Variants in ITGA10 observed in about 807,000 individuals in gnomAD.
ITGA10 encodes integrin subunit alpha 10.
ITGA10 carries 105 observed loss-of-function variants against 145.2 expected under a neutral mutation model. That is an observed-to-expected ratio of 0.72 (90% CI 0.62 to 0.85). ITGA10 has a LOEUF of 0.85. Ranked by LOEUF, ITGA10 falls within the 40% of genes least tolerant of loss-of-function variation. The pLI, the probability that ITGA10 is intolerant of heterozygous loss-of-function variation, is 0.00. For missense variants in ITGA10, 1,317 were observed against 1,444.5 expected (o/e 0.91, Z 1.43); for synonymous variants, 506 against 557.8 (o/e 0.91, Z 1.31).
chr1:145,896,961 C>A, intron 22 of ITGA10, 50 bp downstream of exon 22: 1 of 1,566,068 alleles, frequency 6.4e-7, no homozygotes, highest in South Asian at 1.1e-5. Flanking sequence ...CCCCTCCAGT[C>A]AAGACTCAGT....
At position 145,901,394 on chromosome 1, in the gene ITGA10, C is replaced by T. The variant is rs1227999784; in HGVS notation, c.1444-116G>A. On this transcript the variant is annotated intron_variant, in intron 12 of 29. Transcript: ENST00000369304. The surrounding 1 kb of genome is among the most constrained non-coding windows in gnomAD (Gnocchi z 4.3). ...GTCTGCTCCTTACATCCCTGACAGA[C>T]TCTGCCAACCAGAATTCCGCACAGA... 6.7e-7 allele frequency: 1 copy of T among 1,491,956 alleles called. No homozygotes were observed. The highest frequency in any genetic ancestry group is 9.1e-7 in the Non-Finnish European group (1 of 1,104,196). 92.4% of individuals were successfully genotyped at this position (1,491,956 alleles called of 1,614,324 possible).
chr1:145,893,449 A>G, intron 28 of ITGA10, 91 bp downstream of exon 28: 2 of 1,039,040 alleles, frequency 1.9e-6, no homozygotes, highest in Non-Finnish European at 2.9e-6. Context: ...CCTGATGGAG[A>G]TGCCTTCGTT....
rs1654959066 is a variant in ITGA10, at chr1:145,893,427, A to G, written c.3324+113T>C. 4 of 959,624 alleles carry G rather than the reference A, an allele frequency of 4.2e-6. No homozygotes were observed. In the Middle Eastern group the frequency reaches 8.6e-4, roughly 207 times the overall value. 59.4% of individuals were successfully genotyped at this position (959,624 alleles called of 1,614,324 possible). A position where few individuals can be genotyped will look rare whatever the true frequency, so the allele number is the denominator to read the frequency against. On this transcript the variant is annotated intron_variant, in intron 28 of 29. Coordinates refer to ENST00000369304, the MANE Select transcript of ITGA10 (RefSeq NM_003637.5). ...GCAGGAATGGCGGCAGTGGAACACT[A>G]GGATCCTGCTGCCTGATGGAGATGC... is the stretch of plus-strand genomic sequence containing the variant.
intron 1 of ITGA10, among the ~76,000 whole-genome samples, chr1:145,908,163 A>G (rs1657414945): frequency 6.6e-6 from 1 of 151,920 alleles, no homozygotes; most frequent in South Asian, 2.1e-4. Context: ...CAGAACAACC[A>G]TTGCTTCCAA....
In ITGA10 at chr1:145,904,717, T is replaced by G; in HGVS notation, c.576A>C (p.Val192=). 2 of 1,613,978 alleles carry G rather than the reference T, an allele frequency of 1.2e-6. No individual in the cohort carries two copies. Among genetic ancestry groups the G allele is most frequent in the South Asian group, 2.2e-5 (2 of 91,080 alleles). Residue 192 remains valine (V), a synonymous_variant, in exon 6 of 30, where the codon GTA becomes GTC. Coordinates refer to ENST00000369304, the MANE Select transcript of ITGA10 (RefSeq NM_003637.5). ...GTTCTGGGTCAATAAACAGTTTCCC[T>G]ACCAGTCTTCGTAGGAAGGTCTGAA... ...SEVQTFLRRL[V]GKLFIDPEQI... is the part of the protein sequence containing the mutation.
chr1:145,893,476 G>A (rs968617645), intron 28 of ITGA10, 64 bp downstream of exon 28: 3 of 1,316,994 alleles, frequency 2.3e-6, no homozygotes, highest in Non-Finnish European at 3.2e-6. Context: ...AAGCCCACGG[G>A]TGGCCCTACC....
In ITGA10 at chr1:145,904,213, C is replaced by T. The variant is rs188008364; in HGVS notation, c.610-13G>A. ...GTACCAGTCCCACCTGGGAATAAAGCGCATTCAAATGAAATGTATGTATGT... is the reference window on the plus strand; with the variant it reads ...GTACCAGTCCCACCTGGGAATAAAGTGCATTCAAATGAAATGTATGTATGT... On this transcript the variant is annotated splice_polypyrimidine_tract_variant and intron_variant, in intron 6 of 29. Coordinates refer to ENST00000369304, the MANE Select transcript of ITGA10 (RefSeq NM_003637.5). The T allele has an allele frequency of 1.1e-4, 171 of 1,613,698 alleles. No homozygotes were observed. Among genetic ancestry groups the T allele is most frequent in the Admixed American group, 1.0e-3 (63 of 60,006 alleles).
intron 28 of ITGA10, 40 bp from the exon 29 acceptor site, chr1:145,893,314 A>T: frequency 1.4e-6 from 2 of 1,416,348 alleles, no homozygotes; most frequent in Non-Finnish European, 2.0e-6. Flanking sequence ...TGCATCCTAT[A>T]ACCCAGCTAG....
Position 145,900,870 on chromosome 1 carries a change from C to A in ITGA10, c.1711G>T (p.Ala571Ser), listed in dbSNP as rs781946890. 1 of 1,614,050 alleles carries A rather than the reference C, an allele frequency of 6.2e-7. No homozygotes were observed. Among genetic ancestry groups the A allele is most frequent in the South Asian group, 1.1e-5 (1 of 91,074 alleles). The change falls in exon 14 of 30, where the codon GCG (alanine) becomes TCG (serine). Residue 571 changes from alanine to serine, a missense_variant. Coordinates refer to ENST00000369304, the MANE Select transcript of ITGA10 (RefSeq NM_003637.5). ...QDGFADVAVG[A>S]PLEDGHQGAL... The stretch of plus-strand genomic sequence containing the variant: ...CCCTGGTGCCCATCTTCCAGAGGCG[C>A]CCCCACAGCCACATCAGCAAAACCA...
chr1:145,906,469 C>T lies in ITGA10; in HGVS notation c.406G>A (p.Val136Ile), dbSNP rs1657153586. 1.2e-6 allele frequency: 2 copies of T among 1,613,968 alleles called. No individual in the cohort carries two copies. Among genetic ancestry groups the T allele is most frequent in the South Asian group, 2.2e-5 (2 of 91,082 alleles). Residue 136 changes from valine (V) to isoleucine (I), a missense_variant, in exon 5 of 30, where the codon GTC (valine) becomes ATC (isoleucine). Transcript: ENST00000369304. ...PLWSRACGSSVFSSGICARVD... is the reference protein window; with the variant it reads ...PLWSRACGSSIFSSGICARVD... ...CGGGCACATATCCCAGAACTGAAGA[C>T]AGAGCTGCCACAAGCACGAGACCAG...
intron 5 of ITGA10, 112 bp downstream of exon 5, chr1:145,906,282 A>G: frequency 1.3e-6 from 1 of 751,664 alleles, no homozygotes; most frequent in Non-Finnish European, 2.3e-6. Context: ...ATTAGGTAGC[A>G]ATGAGGATAG....
Position 145,895,385 on chromosome 1 carries a change from G to A in ITGA10, c.3123C>T (p.Ser1041=), listed in dbSNP as rs587646047. Residue 1041 remains serine, a synonymous_variant, in exon 27 of 30, where the codon AGC becomes AGT. Coordinates refer to ENST00000369304, the MANE Select transcript of ITGA10 (RefSeq NM_003637.5). ...ACCTCACCACCTGACACTGAGTATT[G>A]CTCCCATTCTAACAGAAGAGACAGA... ...ELQHTNRLNG[S]NTQCQVVRCH... The A allele has an allele frequency of 5.6e-6, 9 of 1,612,756 alleles. No homozygotes were observed. In the East Asian group the frequency reaches 2.0e-4, roughly 36 times the overall value.
In ITGA10 at chr1:145,893,596, G is replaced by A; in HGVS notation, c.3268C>T (p.Leu1090=). The change falls in exon 28 of 30, where the codon CTG becomes TTG. Residue 1090 remains leucine (L), a synonymous_variant. Coordinates refer to ENST00000369304, the MANE Select transcript of ITGA10 (RefSeq NM_003637.5). ...AGGACACTGCCCTCTTCGGTTCCCA[G>A]CTCAAAGGTGCTGACCACCGTCAGG... ...KSLTVVSTFE[L]GTEEGSVLQL... The A allele has an allele frequency of 6.2e-7, 1 of 1,613,328 alleles. No individual in the cohort carries two copies.
At chr1:145,907,242 A>T in intron 2 of ITGA10, 92 bp from the exon 3 acceptor site, 1 of 1,586,660 alleles carries the variant, frequency 6.3e-7, no homozygotes, top group Non-Finnish European at 8.6e-7. Flanking sequence ...GTAAGTTTAG[A>T]GCCCCAGCCA....
intron 10 of ITGA10, 68 bp downstream of exon 10, chr1:145,902,178 G>T: frequency 6.3e-7 from 1 of 1,575,176 alleles, no homozygotes; most frequent in Non-Finnish European, 8.7e-7. Context: ...GGAATCTGGA[G>T]GGCCCTGTGG....
chr1:145,896,077 T>C lies in ITGA10; in HGVS notation c.2939A>G (p.Tyr980Cys), dbSNP rs782114317. 4.3e-6 allele frequency: 7 copies of C among 1,614,096 alleles called. No individual in the cohort carries two copies. In the Admixed American group the frequency reaches 5.0e-5, roughly 12 times the overall value. ...TTLRVQNLGCYVVSGLIISAL... is the reference protein window; with the variant it reads ...TTLRVQNLGCCVVSGLIISAL... ...TGAGATGATGAGGCCACTGACCACA[T>C]AGCAGCCTAGGTTCTGAACCTAAGA... The change falls in exon 25 of 30, where the codon TAT (tyrosine) becomes TGT (cysteine). Residue 980 changes from tyrosine (Y) to cysteine (C), a missense_variant. Physicochemically the swap from Tyr to Cys is radical, Grantham distance 194. Transcript: ENST00000369304.
intron 1 of ITGA10, among the ~76,000 whole-genome samples, chr1:145,908,978 T>C (rs1373134762): frequency 6.6e-6 from 1 of 152,052 alleles, no homozygotes; most frequent in Non-Finnish European, 1.5e-5. Context: ...CTTACCCCTA[T>C]AGGGCTTAGG....
chr1:145,904,255 AG>A lies in ITGA10; in HGVS notation c.610-56del, dbSNP rs587597724. 690 of 1,561,916 alleles carry A rather than the reference AG, an allele frequency of 4.4e-4. 4 individuals carry two copies. In the African/African-American group the frequency reaches 8.2e-3, roughly 19 times the overall value. On this transcript the variant is annotated intron_variant, in intron 6 of 29. Transcript: ENST00000369304. ...TATGTATGTGAGATGGGGGGAGAGG[AG>A]GAAGAAGAAAGTATATAAGAGAGGA...
At position 145,901,942 on chromosome 1, in the gene ITGA10, A is replaced by G. The variant is rs1656388372; in HGVS notation, c.1229T>C (p.Phe410Ser). 3 of 1,613,830 alleles carry G rather than the reference A, an allele frequency of 1.9e-6. No homozygotes were observed. The highest frequency in any genetic ancestry group is 2.5e-6 in the Non-Finnish European group (3 of 1,179,830). Residue 410 changes from phenylalanine (F) to serine (S), a missense_variant, in exon 11 of 30, where the codon TTC (phenylalanine) becomes TCC (serine). By Grantham distance (155) the Phe-to-Ser change is radical (BLOSUM62 -2). Transcript: ENST00000369304. This position sits in a 1 kb window ranked among gnomAD's most constrained non-coding sequence, Gnocchi z 4.3. ...GTCTTCCAGTGCCATTCGTGGGGGG[A>G]AAAGGCGGTGGCCTCCTTCAAGCCA... ...VLWLEGGHRL[F>S]PPRMALEDEF...
Sources: allele counts gnomAD v4.1 joint callset (sites outside exome capture counted in the v4.1 genomes callset), GRCh38; gene constraint gnomAD v4.1.1; non-coding constraint Gnocchi (gnomAD v3.1); transcripts MANE v1.5; gene names NCBI Gene and HGNC (gene_info 2026-07-23, HGNC 2026-07-21).